Variants in GIGYF2 observed in about 807,000 individuals in gnomAD.
GIGYF2 encodes GRB10-interacting GYF protein 2.
In GIGYF2, 25 loss-of-function variants were observed where a neutral mutation model predicts 208.1. The observed-to-expected ratio is 0.12, with a 90% CI of 0.09 to 0.17. The LOEUF is 0.17. GIGYF2 is among the 10% of genes least tolerant of loss of function. GIGYF2 has a pLI of 1.00. For missense variants in GIGYF2, 1,302 were observed against 1,579.4 expected, an observed-to-expected ratio of 0.82 and a Z score of 2.98; for synonymous variants, 534 against 543.8, an observed-to-expected ratio of 0.98 and a Z score of 0.25.
At chr2:232,781,390 CTG>C (rs1276631419) in intron 8 of GIGYF2, among the ~76,000 whole-genome samples, 2 of 108,860 alleles carry the variant, frequency 1.8e-5, no homozygotes, top group Non-Finnish European at 3.3e-5. Flanking sequence ...ACAAGTAAAT[CTG>C]TAATCAATTT....
chr2:232,776,564 C>T (rs1417891034), intron 8 of GIGYF2: 2 of 783,754 alleles, frequency 2.6e-6, no homozygotes, highest in African/African-American at 1.7e-5. Flanking sequence ...TCTTCTTGGA[C>T]TGGTTTTACA....
At chr2:232,781,619 A>G (rs556072117) in intron 8 of GIGYF2, among the ~76,000 whole-genome samples, 1 of 152,268 alleles carries the variant, frequency 6.6e-6, no homozygotes, top group Admixed American at 6.5e-5. Flanking sequence ...ATGAAAACAA[A>G]TTTAGTTCTA....
chr2:232,750,417 AG>A (rs1698294719), intron 5 of GIGYF2, among the ~76,000 whole-genome samples: 1 of 152,184 alleles, frequency 6.6e-6, no homozygotes, highest in Non-Finnish European at 1.5e-5. Context: ...TCCCTTTCCC[AG>A]AGGCCGCAAG....
chr2:232,761,351 A>T, intron 7 of GIGYF2, 45 bp from the exon 8 acceptor site: 1 of 1,305,280 alleles, frequency 7.7e-7, no homozygotes, highest in Non-Finnish European at 1.1e-6. Flanking sequence ...TAGGAAATCT[A>T]TATCACTGTG....
chr2:232,750,804 T>G (rs1369955056), intron 5 of GIGYF2, among the ~76,000 whole-genome samples: 2 of 151,886 alleles, frequency 1.3e-5, no homozygotes, highest in African/African-American at 4.8e-5. Flanking sequence ...ATTTAGATTT[T>G]CTATTTTGAG....
At chr2:232,717,614 G>C (rs1012243165) in intron 2 of GIGYF2, among the ~76,000 whole-genome samples, 1 of 152,144 alleles carries the variant, frequency 6.6e-6, no homozygotes, top group African/African-American at 2.4e-5. Flanking sequence ...AAAGAAAAGA[G>C]GTTTATTTGG....
intron 14 of GIGYF2, among the ~76,000 whole-genome samples, chr2:232,799,126 G>A (rs114698622): frequency 0.013 from 1,993 of 152,158 alleles, 34 homozygotes; most frequent in African/African-American, 0.045. Flanking sequence ...TGTAGCATGT[G>A]TCAAAATTTC....
intron 2 of GIGYF2, among the ~76,000 whole-genome samples, 180 bp downstream of exon 2, chr2:232,703,669 A>G (rs1282606194): frequency 6.6e-6 from 1 of 152,210 alleles, no homozygotes; most frequent in East Asian, 1.9e-4. Flanking sequence ...CCCTTTCTGC[A>G]TTGACCCTGG....
intron 2 of GIGYF2, among the ~76,000 whole-genome samples, chr2:232,715,310 T>C (rs1008063068): frequency 1.3e-5 from 2 of 152,234 alleles, no homozygotes; most frequent in African/African-American, 4.8e-5. Flanking sequence ...GACGTAAAGC[T>C]GACCTTAATT....
At chr2:232,713,080 C>CCT (rs1696504477) in intron 2 of GIGYF2, among the ~76,000 whole-genome samples, 1 of 146,526 alleles carries the variant, frequency 6.8e-6, no homozygotes, top group Non-Finnish European at 1.5e-5. Context: ...GAAAAAACTT[C>CCT]TTTTTTTTTT....
chr2:232,780,855 T>A (rs1280913623), intron 8 of GIGYF2, among the ~76,000 whole-genome samples: 1 of 152,208 alleles, frequency 6.6e-6, no homozygotes, highest in African/African-American at 2.4e-5. Flanking sequence ...TTAGTCTCCG[T>A]TGCTATGAAT....
At chr2:232,851,048 G>T (rs540765727) in intron 28 of GIGYF2, among the ~76,000 whole-genome samples, 1 of 152,236 alleles carries the variant, frequency 6.6e-6, no homozygotes, top group South Asian at 2.1e-4. Context: ...TATGGACCAT[G>T]CAAGGCAGGC....
At position 232,756,197 on chromosome 2, in the gene GIGYF2, CTTTTTTTTTTTTT is replaced by C; in HGVS notation, c.268-18_268-6del. The C allele has an allele frequency of 2.8e-6, 2 of 709,936 alleles. No homozygotes were observed. The highest frequency in any genetic ancestry group is 2.8e-5 in the East Asian group (1 of 35,166). 44.0% of individuals were successfully genotyped at this position (709,936 alleles called of 1,614,324 possible). On this transcript the variant is annotated splice_polypyrimidine_tract_variant and intron_variant, in intron 5 of 28. Coordinates refer to ENST00000373563, the MANE Select transcript of GIGYF2 (RefSeq NM_001103146.3). ...TTTTCTTTCTTTTTTTCCTTTTTCTCTTTTTTTTTTTTTTTTTTTTGGCAGAGAAACTTTTCCA... is the reference window on the plus strand; with the variant it reads ...TTTTCTTTCTTTTTTTCCTTTTTCTCTTTTTTTGGCAGAGAAACTTTTCCA...
At chr2:232,704,267 A>C (rs1233508182) in intron 2 of GIGYF2, among the ~76,000 whole-genome samples, 1 of 152,200 alleles carries the variant, frequency 6.6e-6, no homozygotes, top group African/African-American at 2.4e-5. Flanking sequence ...GCATTCTAGG[A>C]AAATGTCCTG....
At chr2:232,825,616 C>T (rs1701222570) in intron 21 of GIGYF2, among the ~76,000 whole-genome samples, 1 of 152,158 alleles carries the variant, frequency 6.6e-6, no homozygotes, top group Non-Finnish European at 1.5e-5. Context: ...ATGGCATCTA[C>T]ACCTGGTGAA....
intron 27 of GIGYF2, among the ~76,000 whole-genome samples, chr2:232,850,025 A>C (rs1690251396): frequency 6.6e-6 from 1 of 152,184 alleles, no homozygotes; most frequent in Non-Finnish European, 1.5e-5. Context: ...CCCAGAGTTA[A>C]CCAGGACAGG....
intron 3 of GIGYF2, chr2:232,735,835 C>A (rs183017904): frequency 3.2e-5 from 32 of 985,160 alleles, no homozygotes; most frequent in East Asian, 1.1e-4. Context: ...GGCTTCCCCC[C>A]CTCCCCTCCT....
chr2:232,784,359 G>T (rs1040941022), intron 8 of GIGYF2, among the ~76,000 whole-genome samples: 1 of 147,238 alleles, frequency 6.8e-6, no homozygotes, highest in Non-Finnish European at 1.5e-5. Context: ...TGTGCCTGAG[G>T]TTCTAGCTAC....
At chr2:232,751,759 C>A (rs1187384292) in intron 5 of GIGYF2, among the ~76,000 whole-genome samples, 1 of 151,964 alleles carries the variant, frequency 6.6e-6, no homozygotes, top group Non-Finnish European at 1.5e-5. Context: ...ATTGAATTAC[C>A]CAGAAACATC....
Sources: gnomAD v4.1 joint callset for allele counts (sites outside exome capture counted in the v4.1 genomes callset) on GRCh38, gnomAD v4.1.1 for gene constraint, MANE v1.5 for transcripts, NCBI Gene and HGNC (gene_info 2026-07-23, HGNC 2026-07-21) for gene names.